SNX29: variants seen among roughly 807,000 people sequenced by gnomAD.
SNX29 encodes the protein sorting nexin-29.
A neutral mutation model predicts 102.1 loss-of-function variants in SNX29; 78 were observed. That is an observed-to-expected ratio of 0.76 (90% CI 0.64 to 0.92). The LOEUF (loss-of-function observed/expected upper bound fraction) is 0.92. Ranked by LOEUF, SNX29 falls within the 40% of genes least tolerant of loss-of-function variation. The pLI is 0.00. For missense variants in SNX29, 1,280 were observed against 1,061.7 expected, an observed-to-expected ratio of 1.21 and a Z score of -2.86; for synonymous variants, 580 against 414.5, an observed-to-expected ratio of 1.40 and a Z score of -4.85.
At chr16:12,151,302 A>G (rs980953158) in intron 13 of SNX29, among the ~76,000 whole-genome samples, 2 of 142,272 alleles carry the variant, frequency 1.4e-5, no homozygotes, top group African/African-American at 2.6e-5. Context: ...ATCACCACAC[A>G]CACACTATTA....
At chr16:12,309,521 C>CTGGACAATATTGTGTCCAGACATTATTG (rs2080460830) in intron 15 of SNX29, among the ~76,000 whole-genome samples, 1 of 152,112 alleles carries the variant, frequency 6.6e-6, no homozygotes, top group Non-Finnish European at 1.5e-5. Flanking sequence ...TATTTGTGTC[C>CTGGACAATATTGTGTCCAGACATTATTG]TGTCTGGCTT....
chr16:12,041,177 T>C (rs1341495116), intron 4 of SNX29, among the ~76,000 whole-genome samples: 1 of 152,092 alleles, frequency 6.6e-6, no homozygotes, highest in Non-Finnish European at 1.5e-5. Flanking sequence ...AGTGGTGCGA[T>C]CTTGGCTCAT....
chr16:12,049,715 C>T (rs142174573), intron 7 of SNX29, among the ~76,000 whole-genome samples: 112 of 152,144 alleles, frequency 7.4e-4, no homozygotes, highest in African/African-American at 2.7e-3. Context: ...GAGAAGTTTT[C>T]AATACCCTTT....
chr16:12,156,195 A>T (rs1026376056), intron 13 of SNX29, among the ~76,000 whole-genome samples: 1 of 151,994 alleles, frequency 6.6e-6, no homozygotes, highest in Non-Finnish European at 1.5e-5. Context: ...TATTTTTGAG[A>T]TGGAGTCTTG....
chr16:12,391,922 A>C (rs553179386), intron 16 of SNX29, among the ~76,000 whole-genome samples: 1 of 152,246 alleles, frequency 6.6e-6, no homozygotes, highest in Non-Finnish European at 1.5e-5. Context: ...AGTCATGTAC[A>C]TGGTAAAAAT....
intron 20 of SNX29, among the ~76,000 whole-genome samples, chr16:12,567,823 C>G (rs762251252): frequency 2.0e-5 from 3 of 152,166 alleles, no homozygotes; most frequent in Non-Finnish European, 4.4e-5. Context: ...GCACCCTCTG[C>G]TCTCACGGTG....
At chr16:12,084,693 G>T (rs965219687) in intron 11 of SNX29, among the ~76,000 whole-genome samples, 1 of 152,162 alleles carries the variant, frequency 6.6e-6, no homozygotes, top group Non-Finnish European at 1.5e-5. Flanking sequence ...TCAAGATAGA[G>T]TGACAGGATC....
intron 13 of SNX29, among the ~76,000 whole-genome samples, chr16:12,136,761 ACAGAGTCTCGCT>A (rs1457192716): frequency 2.0e-5 from 3 of 150,480 alleles, no homozygotes; most frequent in Non-Finnish European, 3.0e-5. Context: ...TTGTTTTGAG[ACAGAGTCTCGCT>A]CTGTCACCCA....
chr16:12,559,342 C>T (rs1377891715), intron 20 of SNX29, among the ~76,000 whole-genome samples: 1 of 151,846 alleles, frequency 6.6e-6, no homozygotes, highest in African/African-American at 2.4e-5. Context: ...ATCTAGGCTG[C>T]ATGCTACTTA....
intron 19 of SNX29, among the ~76,000 whole-genome samples, chr16:12,511,659 A>G (rs1183635682): frequency 1.3e-5 from 2 of 152,118 alleles, no homozygotes; most frequent in South Asian, 2.1e-4. Flanking sequence ...TTTCTGTTCT[A>G]ACATTTAGCA....
At chr16:12,123,454 C>T (rs1469909268) in intron 11 of SNX29, among the ~76,000 whole-genome samples, 2 of 152,074 alleles carry the variant, frequency 1.3e-5, no homozygotes, top group Non-Finnish European at 1.5e-5. Context: ...CTCTCACATC[C>T]TCATGTACAT....
rs577467516 is a variant in SNX29, at chr16:12,570,080, A to C, written c.*1451A>C. On this transcript the variant is annotated 3_prime_UTR_variant, in exon 21 of 21. Coordinates refer to ENST00000566228, the MANE Select transcript of SNX29 (RefSeq NM_032167.5). ...CTCTGGAGAATCATCTGGAAGGTTT[A>C]TACTGTGCCTTCCCCTCGTAGCAAA... is the stretch of plus-strand genomic sequence containing the variant. 4.4e-4 allele frequency: 332 copies of C among 762,296 alleles called. No individual in the cohort carries two copies. Among genetic ancestry groups the C allele is most frequent in the Non-Finnish European group, 5.3e-4 (322 of 603,258 alleles). 47.2% of individuals were successfully genotyped at this position (762,296 alleles called of 1,614,324 possible). A position where few individuals can be genotyped will look rare whatever the true frequency, so the allele number is the denominator to read the frequency against.
chr16:12,333,840 C>G (rs537112065), intron 15 of SNX29, among the ~76,000 whole-genome samples: 5 of 152,242 alleles, frequency 3.3e-5, no homozygotes, highest in African/African-American at 1.2e-4. Context: ...CATGTTTAGC[C>G]AGGTCCATTC....
intron 20 of SNX29, among the ~76,000 whole-genome samples, chr16:12,563,425 G>A (rs75431978): frequency 0.022 from 3,305 of 152,298 alleles, 259 homozygotes; most frequent in East Asian, 0.18. Context: ...TTTGTTCCTT[G>A]CGGTATGTCC....
intron 3 of SNX29, among the ~76,000 whole-genome samples, chr16:12,016,211 A>G (rs988365001): frequency 6.6e-6 from 1 of 152,210 alleles, no homozygotes; most frequent in African/African-American, 2.4e-5. Flanking sequence ...CATGTTGCAG[A>G]TGTACAAACA....
At position 12,571,028 on chromosome 16, in the gene SNX29, G is replaced by C. The variant is rs1436354523; in HGVS notation, c.*2399G>C. The C allele has an allele frequency of 1.7e-5, 4 of 232,706 alleles. No homozygotes were observed. The highest frequency in any genetic ancestry group is 3.4e-5 in the Non-Finnish European group (4 of 117,792). The allele number at this position is 232,706 out of a possible 1,614,324, so 14.4% of individuals were successfully genotyped here. ...AGAGTCGAGTCATCTCGCAGATCCAGACCATCTCCTCTCATTCTCACTCTA... is the reference window on the plus strand; with the variant it reads ...AGAGTCGAGTCATCTCGCAGATCCACACCATCTCCTCTCATTCTCACTCTA... On this transcript the variant is annotated 3_prime_UTR_variant, in exon 21 of 21. Transcript: ENST00000566228.
rs529078503 is a variant in SNX29 at position 12,558,171 on chromosome 16, C to T, written c.2319-10335C>T. On this transcript the variant is annotated intron_variant, in intron 20 of 20. Transcript: ENST00000566228. Reference sequence around the variant, plus strand: ...CATCCTTAGCAAGTTAGGCGTAATGCATCTCAGTTTTTAATAATTACGGTT... The same window carrying T: ...CATCCTTAGCAAGTTAGGCGTAATGTATCTCAGTTTTTAATAATTACGGTT... 7.9e-5 allele frequency among the ~76,000 whole-genome samples: 12 copies of T among 152,232 alleles called. No individual in the cohort carries two copies. In the South Asian group the frequency reaches 2.3e-3, roughly 29 times the overall value.
At chr16:12,149,404 CAG>C (rs548696648) in intron 13 of SNX29, among the ~76,000 whole-genome samples, 35 of 152,322 alleles carry the variant, frequency 2.3e-4, no homozygotes, top group Non-Finnish European at 3.4e-4. Context: ...CCAAATAAAA[CAG>C]AAGGCAAGTA....
At chr16:12,409,882 G>C (rs771654992) in intron 18 of SNX29, among the ~76,000 whole-genome samples, 15 of 152,200 alleles carry the variant, frequency 9.9e-5, no homozygotes, top group Non-Finnish European at 2.1e-4. Flanking sequence ...TTTGCGTCTA[G>C]CGACCACAAA....
Sources: allele counts gnomAD v4.1 joint callset (sites outside exome capture counted in the v4.1 genomes callset), GRCh38; gene constraint gnomAD v4.1.1; transcripts MANE v1.5; gene names NCBI Gene and HGNC (gene_info 2026-07-23, HGNC 2026-07-21).